Variants in ASPH observed in about 807,000 individuals in gnomAD.
ASPH encodes the protein aspartyl/asparaginyl beta-hydroxylase.
A neutral mutation model predicts 118.4 loss-of-function variants in ASPH; 100 were observed. The ratio of observed to expected loss-of-function variants is 0.84; its 90% CI spans 0.72 to 1.00. ASPH has a LOEUF of 1.00. ASPH is among the 50% of genes least tolerant of loss of function. The pLI is 0.00. For synonymous variants in ASPH, 315 were observed against 325.6 expected, an observed-to-expected ratio of 0.97 and a Z score of 0.35; for missense variants, 920 against 919.5, an observed-to-expected ratio of 1.00 and a Z score of -0.01.
rs73685076 is a variant in ASPH at position 61,530,208 on chromosome 8, C to T, written c.1765-4096G>A. On this transcript the variant is annotated intron_variant, in intron 21 of 24. Coordinates refer to ENST00000379454, the MANE Select transcript of ASPH (RefSeq NM_004318.4). ...GAAATATTACTCCCTTGACTCTAAACTCATCTATTTCATAAAACTGAAAGA... is the reference window on the plus strand; with the variant it reads ...GAAATATTACTCCCTTGACTCTAAATTCATCTATTTCATAAAACTGAAAGA... Among the ~76,000 whole-genome samples the T allele has an allele frequency of 1.6e-3, 242 of 152,336 alleles. 2 individuals are homozygous for T. The highest frequency in any genetic ancestry group is 5.5e-3 in the African/African-American group (229 of 41,570).
chr8:61,595,969 T>C (rs1259668781), intron 14 of ASPH, among the ~76,000 whole-genome samples: 3 of 136,668 alleles, frequency 2.2e-5, no homozygotes, highest in Non-Finnish European at 4.7e-5. Flanking sequence ...CCACTGTCAC[T>C]GATGCCCCAG....
chr8:61,570,498 T>C (rs1833159154), intron 16 of ASPH, among the ~76,000 whole-genome samples: 1 of 152,136 alleles, frequency 6.6e-6, no homozygotes, highest in South Asian at 2.1e-4. Context: ...TTAAACTCAA[T>C]CTGAAAAGGG....
chr8:61,636,379 G>A (rs1857737372), intron 12 of ASPH, among the ~76,000 whole-genome samples: 1 of 152,226 alleles, frequency 6.6e-6, no homozygotes, highest in South Asian at 2.1e-4. Flanking sequence ...TAGAGACAGA[G>A]GGAGAGAGGA....
In ASPH at chr8:61,502,666, A is replaced by G. The variant is rs1485853734; in HGVS notation, c.*693T>C. The G allele has an allele frequency of 1.3e-5, 2 of 152,218 alleles. No individual in the cohort carries two copies. Among genetic ancestry groups the G allele is most frequent in the Admixed American group, 1.3e-4 (2 of 15,284 alleles). 9.4% of individuals were successfully genotyped at this position (152,218 alleles called of 1,614,324 possible). On this transcript the variant is annotated 3_prime_UTR_variant, in exon 25 of 25. Coordinates refer to ENST00000379454, the MANE Select transcript of ASPH (RefSeq NM_004318.4). ...CTTTGAAAGAAATAGGATTTTGTCA[A>G]TATCTCCACCACTAGCATAGTGAGA... is the stretch of plus-strand genomic sequence containing the variant.
chr8:61,526,038 C>CAGGAGGATGAAACCTTTGGAGGCAGG lies in ASPH; in HGVS notation c.1838_1839insCCTGCCTCCAAAGGTTTCATCCTCCT (p.Pro614LeufsTer15). 6.2e-7 allele frequency: 1 copy of CAGGAGGATGAAACCTTTGGAGGCAGG among 1,614,004 alleles called. No individual in the cohort carries two copies. Among genetic ancestry groups the CAGGAGGATGAAACCTTTGGAGGCAGG allele is most frequent in the Non-Finnish European group, 8.5e-7 (1 of 1,179,926 alleles). ...TTTCCCTCAGGTTTTCATCCTCAGG[C>CAGGAGGATGAAACCTTTGGAGGCAGG]AGGAAGAGACCTTTGGCTTTATCCA... On this transcript the variant is annotated frameshift_variant, in exon 22 of 25. Coordinates refer to ENST00000379454, the MANE Select transcript of ASPH (RefSeq NM_004318.4). LOFTEE classifies it high-confidence loss of function.
chr8:61,644,488 C>A (rs912747666), intron 7 of ASPH, 112 bp downstream of exon 7: 7 of 709,596 alleles, frequency 9.9e-6, no homozygotes, highest in Non-Finnish European at 1.4e-5. Flanking sequence ...AATTGCATAT[C>A]TTGCATATAT....
Position 61,517,600 on chromosome 8 carries a change from C to A in ASPH, c.2054G>T (p.Cys685Phe), listed in dbSNP as rs537240662. 2 of 1,614,120 alleles carry A rather than the reference C, an allele frequency of 1.2e-6. No individual in the cohort carries two copies. Among genetic ancestry groups the A allele is most frequent in the Admixed American group, 1.7e-5 (1 of 60,022 alleles). The change falls in exon 24 of 25, where the codon TGC becomes TTC. Residue 685 changes from cysteine to phenylalanine, a missense_variant. Transcript: ENST00000379454. ...CAAGCCCAGGTGCATTCGGAGCCTG[C>A]AGTTTGTGGGCCCTGTGTGCGGCCA... ...HVWPHTGPTN[C>F]RLRMHLGLVI...
chr8:61,558,097 C>G (rs1828510630), intron 18 of ASPH, among the ~76,000 whole-genome samples: 1 of 152,158 alleles, frequency 6.6e-6, no homozygotes, highest in African/African-American at 2.4e-5. Flanking sequence ...GGGGCTCTCA[C>G]TCAAGTGAGG....
At chr8:61,708,224 C>T (rs944177300) in intron 1 of ASPH, among the ~76,000 whole-genome samples, 41 of 152,086 alleles carry the variant, frequency 2.7e-4, no homozygotes, top group African/African-American at 9.9e-4. Flanking sequence ...GAGCAATACA[C>T]AGAAATATTT....
chr8:61,519,857 T>C (rs762018881), intron 22 of ASPH, among the ~76,000 whole-genome samples: 20 of 152,234 alleles, frequency 1.3e-4, no homozygotes, highest in African/African-American at 4.3e-4. Context: ...GTGTGATCTA[T>C]TGTAGACTTC....
chr8:61,686,843 C>T (rs964331230), intron 1 of ASPH, among the ~76,000 whole-genome samples: 1 of 152,128 alleles, frequency 6.6e-6, no homozygotes, highest in African/African-American at 2.4e-5. Context: ...TGATACCAGT[C>T]TCTTGTATTT....
chr8:61,712,348 G>T (rs571036573), intron 1 of ASPH, among the ~76,000 whole-genome samples: 1 of 152,274 alleles, frequency 6.6e-6, no homozygotes, highest in East Asian at 1.9e-4. Flanking sequence ...GTGATGGAAG[G>T]AAATGGTTTC....
chr8:61,663,060 A>G (rs1047180116), intron 3 of ASPH: 15 of 985,266 alleles, frequency 1.5e-5, no homozygotes, highest in African/African-American at 1.7e-5. Flanking sequence ...CAGCACTTAA[A>G]ATTTTGTACA....
intron 18 of ASPH, among the ~76,000 whole-genome samples, chr8:61,559,585 A>G (rs1298923799): frequency 2.0e-5 from 3 of 152,234 alleles, no homozygotes; most frequent in Non-Finnish European, 4.4e-5. Context: ...GGGATTTTAA[A>G]AAGTTATATA....
At chr8:61,537,118 A>G (rs1453650724) in intron 21 of ASPH, among the ~76,000 whole-genome samples, 1 of 152,166 alleles carries the variant, frequency 6.6e-6, no homozygotes, top group East Asian at 1.9e-4. Context: ...GGAGAACCAT[A>G]TTCCTCATAT....
At chr8:61,539,702 GT>G (rs1563745684) in intron 21 of ASPH, among the ~76,000 whole-genome samples, 264 of 88,846 alleles carry the variant, frequency 3.0e-3, no homozygotes, top group African/African-American at 0.013. Context: ...CTTCTGGGGT[GT>G]GTGTGTGTGT....
intron 17 of ASPH, among the ~76,000 whole-genome samples, chr8:61,566,465 T>C (rs757349553): frequency 2.0e-5 from 3 of 152,200 alleles, no homozygotes; most frequent in Non-Finnish European, 4.4e-5. Flanking sequence ...ATCGTTGAAA[T>C]GGCAACAAAG....
At chr8:61,592,663 A>G (rs1463909843) in intron 14 of ASPH, among the ~76,000 whole-genome samples, 1 of 152,266 alleles carries the variant, frequency 6.6e-6, no homozygotes, top group African/African-American at 2.4e-5. Context: ...GGTGCTCTGT[A>G]TCTGACTGAG....
At chr8:61,625,128 C>T in intron 13 of ASPH, 1 of 985,634 alleles carries the variant, frequency 1.0e-6, no homozygotes, top group Non-Finnish European at 1.2e-6. Context: ...CTTATAGTTG[C>T]TCATGGTCCT....
Sources: allele counts gnomAD v4.1 joint callset (sites outside exome capture counted in the v4.1 genomes callset), GRCh38; gene constraint gnomAD v4.1.1; transcripts MANE v1.5; gene names NCBI Gene and HGNC (gene_info 2026-07-23, HGNC 2026-07-21).